DOCK10: variants seen among roughly 807,000 people sequenced by gnomAD.
DOCK10 encodes dedicator of cytokinesis 10.
DOCK10 carries 145 observed loss-of-function variants against 280.1 expected under a neutral mutation model. The observed-to-expected ratio is 0.52, with a 90% confidence interval of 0.45 to 0.59. The LOEUF is 0.59. DOCK10 is among the 20% of genes least tolerant of loss of function. The pLI is 0.00. For synonymous variants in DOCK10, 915 were observed against 942.2 expected (o/e 0.97, Z 0.53); for missense variants, 2,368 against 2,651.7 (o/e 0.89, Z 2.35).
intron 2 of DOCK10, among the ~76,000 whole-genome samples, chr2:224,917,584 A>C (rs78867455): frequency 0.23 from 35,040 of 152,006 alleles, 4,497 homozygotes; most frequent in Non-Finnish European, 0.28. Flanking sequence ...AGGAGTGTTT[A>C]GTAAATCTGA....
At chr2:224,902,943 A>C (rs1700382568) in intron 3 of DOCK10, among the ~76,000 whole-genome samples, 1 of 151,956 alleles carries the variant, frequency 6.6e-6, no homozygotes, top group African/African-American at 2.4e-5. Context: ...AATACAAAAA[A>C]AAAAATTAGC....
At chr2:224,972,061 G>A (rs932106019) in intron 1 of DOCK10, among the ~76,000 whole-genome samples, 4 of 152,034 alleles carry the variant, frequency 2.6e-5, no homozygotes, top group African/African-American at 7.2e-5. Context: ...GAGCTACTCC[G>A]TGTGCTTTAA....
chr2:225,017,410 GAA>G (rs1284338294), intron 1 of DOCK10, among the ~76,000 whole-genome samples: 3 of 130,874 alleles, frequency 2.3e-5, no homozygotes, highest in Non-Finnish European at 3.3e-5. Flanking sequence ...GGCAAAGAGA[GAA>G]AGAGACAGAC....
Position 224,833,934 on chromosome 2 carries a change from G to T in DOCK10, c.2964+216C>A, listed in dbSNP as rs1695417220. 2.0e-5 allele frequency among the ~76,000 whole-genome samples: 3 copies of T among 152,260 alleles called. No homozygotes were observed. In the Middle Eastern group the frequency reaches 0.01, roughly 518 times the overall value. Reference sequence around the variant, plus strand: ...CCTAAAATGCTGGGATTACAGAGGTGAGCCACTGCACCTGGCCCACTCTAC... The same window carrying T: ...CCTAAAATGCTGGGATTACAGAGGTTAGCCACTGCACCTGGCCCACTCTAC... On this transcript the variant is annotated intron_variant, in intron 26 of 55. Transcript: ENST00000258390.
chr2:224,791,668 G>A (rs1692206963), intron 47 of DOCK10, among the ~76,000 whole-genome samples: 1 of 151,170 alleles, frequency 6.6e-6, no homozygotes, highest in South Asian at 2.1e-4. Flanking sequence ...TAGAGACGGG[G>A]TTTCATCATC....
intron 1 of DOCK10, among the ~76,000 whole-genome samples, chr2:225,015,271 A>G (rs1014505750): frequency 6.6e-6 from 1 of 152,204 alleles, no homozygotes; most frequent in African/African-American, 2.4e-5. Context: ...GTCAAAATAA[A>G]TTTCATTACT....
At chr2:225,035,048 A>G (rs1416201247) in intron 1 of DOCK10, among the ~76,000 whole-genome samples, 3 of 152,192 alleles carry the variant, frequency 2.0e-5, no homozygotes, top group Non-Finnish European at 4.4e-5. Context: ...CCAATCACCT[A>G]ATCCCCTAAT....
At chr2:224,951,752 C>G (rs1488351372) in intron 1 of DOCK10, among the ~76,000 whole-genome samples, 1 of 152,166 alleles carries the variant, frequency 6.6e-6, no homozygotes, top group Non-Finnish European at 1.5e-5. Flanking sequence ...TAAGTGTCAA[C>G]AGGGTGGTAT....
intron 27 of DOCK10, among the ~76,000 whole-genome samples, chr2:224,827,734 C>T (rs908094262): frequency 3.3e-5 from 5 of 152,154 alleles, no homozygotes; most frequent in Non-Finnish European, 5.9e-5. Flanking sequence ...CTCTCCCTCC[C>T]AGGTAGGAGG....
rs191789681 is a variant in DOCK10, at chr2:224,890,422, G to A, written c.417-3891C>T. ...TGTAAAAGGCTAAATGCTTGTGAAAGTTTTTTTCACAAATCTCCCAGTTGA... is the reference window on the plus strand; with the variant it reads ...TGTAAAAGGCTAAATGCTTGTGAAAATTTTTTTCACAAATCTCCCAGTTGA... On this transcript the variant is annotated intron_variant, in intron 4 of 55. Coordinates refer to ENST00000258390, the MANE Select transcript of DOCK10 (RefSeq NM_014689.3). Among the ~76,000 whole-genome samples the A allele has an allele frequency of 2.6e-5, 4 of 152,276 alleles. No homozygotes were observed. The East Asian group carries it at 7.7e-4, about 29-fold the overall frequency.
At position 224,793,799 on chromosome 2, in the gene DOCK10, A is replaced by G. The variant is rs116883564; in HGVS notation, c.5155-342T>C. Among the ~76,000 whole-genome samples, 61 of 152,342 alleles carry G rather than the reference A, an allele frequency of 4.0e-4. No individual in the cohort carries two copies. In the East Asian group the frequency reaches 0.011, roughly 28 times the overall value. ...TTAAAATTAAAACTATAACTCTAGT[A>G]TTTAGATATAAAGTGGAAATAAAAA... On this transcript the variant is annotated intron_variant, in intron 45 of 55. Transcript: ENST00000258390.
chr2:224,865,033 T>C lies in DOCK10; in HGVS notation c.1312A>G (p.Ile438Val). 6.2e-7 allele frequency: 1 copy of C among 1,613,982 alleles called. No individual in the cohort carries two copies. ...AGATCCACATGAAAATCAGCAGAAA[T>C]CTTCCTGCTGTCTCTGAGGTCATAA... ...ALYDLRDSRKISADFHVDLNH... is the reference protein window; with the variant it reads ...ALYDLRDSRKVSADFHVDLNH... Residue 438 changes from isoleucine (I) to valine (V), a missense_variant, in exon 12 of 56, where the codon ATT becomes GTT. By Grantham distance (29) the Ile-to-Val change is conservative. Around this residue, in one of 2 missense-constraint regions of DOCK10, gnomAD observed 1,209 missense variants for 1,250.9 expected, o/e 0.97. Transcript: ENST00000258390.
chr2:224,983,957 C>T, intron 1 of DOCK10: 1 of 452,264 alleles, frequency 2.2e-6, no homozygotes, highest in East Asian at 7.0e-5. Flanking sequence ...TACGACTTAG[C>T]CTGTCTGGCT....
At chr2:224,828,246 T>C (rs1051799132) in intron 27 of DOCK10, among the ~76,000 whole-genome samples, 2 of 152,168 alleles carry the variant, frequency 1.3e-5, no homozygotes, top group African/African-American at 4.8e-5. Context: ...ACCTCTGCAA[T>C]TGTACATTGA....
chr2:224,883,503 A>G (rs1195664619), intron 7 of DOCK10, among the ~76,000 whole-genome samples: 1 of 152,228 alleles, frequency 6.6e-6, no homozygotes. Context: ...AATTAATGGA[A>G]GAATTAGGGG....
At chr2:224,870,753 C>T (rs929910585) in intron 11 of DOCK10, among the ~76,000 whole-genome samples, 4 of 151,668 alleles carry the variant, frequency 2.6e-5, no homozygotes, top group African/African-American at 9.7e-5. Flanking sequence ...CCCCTCTCCC[C>T]CCAACCAACA....
At position 224,765,718 on chromosome 2, in the gene DOCK10, C is replaced by A. The variant is rs1045653; in HGVS notation, c.*3G>T. 3 of 1,596,176 alleles carry A rather than the reference C, an allele frequency of 1.9e-6. No homozygotes were observed. Among genetic ancestry groups the A allele is most frequent in the Non-Finnish European group, 2.6e-6 (3 of 1,164,972 alleles). ...TAGAGGTGGGTCTGATGCTGCAGAG[C>A]CCTCAGACTTCAGCACTAGATGAGA... On this transcript the variant is annotated 3_prime_UTR_variant, in exon 56 of 56. Transcript: ENST00000258390.
chr2:225,041,449 T>C (rs1690421556), intron 1 of DOCK10, among the ~76,000 whole-genome samples: 1 of 152,104 alleles, frequency 6.6e-6, no homozygotes, highest in Non-Finnish European at 1.5e-5. Context: ...CAGGAACATC[T>C]GGGTTGGTAT....
At chr2:224,768,109 G>T (rs1690179553) in intron 55 of DOCK10, among the ~76,000 whole-genome samples, 1 of 151,690 alleles carries the variant, frequency 6.6e-6, no homozygotes, top group African/African-American at 2.4e-5. Context: ...TAGTGACGGG[G>T]TTTCACCATG....
Sources: gnomAD v4.1 joint callset for allele counts (sites outside exome capture counted in the v4.1 genomes callset) on GRCh38, gnomAD v4.1.1 for gene constraint, gnomAD v4.1.1 regional missense constraint, MANE v1.5 for transcripts, NCBI Gene and HGNC (gene_info 2026-07-23, HGNC 2026-07-21) for gene names.